FAM117A: variants seen among roughly 807,000 people sequenced by gnomAD.
FAM117A encodes family with sequence similarity 117 member A.
In FAM117A, 21 loss-of-function variants were observed where a neutral mutation model predicts 44.1. The ratio of observed to expected loss-of-function variants is 0.48; its 90% CI spans 0.34 to 0.69. The LOEUF is 0.69. FAM117A is among the 30% of genes least tolerant of loss of function. The pLI is 0.01. For synonymous variants in FAM117A, 220 were observed against 238.3 expected (o/e 0.92, Z 0.71); for missense variants, 498 against 589.9 (o/e 0.84, Z 1.61).
Position 49,720,393 on chromosome 17 carries a change from C to A in FAM117A, c.506G>T (p.Arg169Leu). Residue 169 changes from arginine to leucine, a missense_variant, in exon 4 of 8, where the codon CGC becomes CTC. Physicochemically the swap from Arg to Leu is moderately radical, Grantham distance 102. Transcript: ENST00000240364. Reference sequence around the variant, plus strand: ...ACCTCGCTCCTTCTCTTTCCCACTGCGGCTCAGCTTCGTCCTCTGCAGTTG... The same window carrying A: ...ACCTCGCTCCTTCTCTTTCCCACTGAGGCTCAGCTTCGTCCTCTGCAGTTG... ...KQQLQRTKLS[R>L]SGKEKERGSP... The A allele has an allele frequency of 3.1e-6, 5 of 1,613,814 alleles. No individual in the cohort carries two copies. Among genetic ancestry groups the A allele is most frequent in the Non-Finnish European group, 4.2e-6 (5 of 1,180,022 alleles).
intron 1 of FAM117A, among the ~76,000 whole-genome samples, chr17:49,771,176 C>A (rs766313899): frequency 6.6e-6 from 1 of 152,070 alleles, no homozygotes; most frequent in Non-Finnish European, 1.5e-5. Flanking sequence ...CACTGCACTC[C>A]GGCCCAGGCA....
intron 2 of FAM117A, among the ~76,000 whole-genome samples, chr17:49,725,267 G>A (rs2073554592): frequency 6.6e-6 from 1 of 152,310 alleles, no homozygotes; most frequent in South Asian, 2.1e-4. Flanking sequence ...TCTCCTCCTT[G>A]CAGATGGGCT....
intron 4 of FAM117A, chr17:49,720,125 T>C (rs898823222): frequency 2.8e-5 from 19 of 673,446 alleles, no homozygotes; most frequent in Non-Finnish European, 3.7e-5. Flanking sequence ...TATATGGGGA[T>C]GGGGGTAGAA....
intron 3 of FAM117A, among the ~76,000 whole-genome samples, chr17:49,721,627 C>T (rs1400474214): frequency 1.3e-5 from 2 of 152,144 alleles, no homozygotes; most frequent in Non-Finnish European, 2.9e-5. Flanking sequence ...TCGAGTTGAC[C>T]CTCTCAGAAG....
At chr17:49,788,276 T>C (rs1161747444) in intron 1 of FAM117A, among the ~76,000 whole-genome samples, 2 of 152,186 alleles carry the variant, frequency 1.3e-5, no homozygotes, top group Non-Finnish European at 2.9e-5. Context: ...TCCGCAACTT[T>C]GAGTTTATAT....
Position 49,726,911 on chromosome 17 carries a change from C to T in FAM117A, c.367-4317G>A, listed in dbSNP as rs571055129. ...AGGAGGACCACTTGCGCCCAGAGTT[C>T]GAGGCTGCAGTGAGTCATGATAATA... is the stretch of plus-strand genomic sequence containing the variant. On this transcript the variant is annotated intron_variant, in intron 2 of 7. Coordinates refer to ENST00000240364, the MANE Select transcript of FAM117A (RefSeq NM_030802.4). 2.1e-4 allele frequency among the ~76,000 whole-genome samples: 32 copies of T among 151,504 alleles called. No homozygotes were observed. The South Asian group carries it at 3.1e-3, about 15-fold the overall frequency.
intron 3 of FAM117A, 91 bp downstream of exon 3, chr17:49,722,408 G>GT: frequency 1.9e-6 from 2 of 1,041,298 alleles, no homozygotes; most frequent in Non-Finnish European, 2.9e-6. Context: ...GGTGAGCAGT[G>GT]TGACGCCACC....
At chr17:49,782,427 T>G (rs1439246144) in intron 1 of FAM117A, among the ~76,000 whole-genome samples, 1 of 146,678 alleles carries the variant, frequency 6.8e-6, no homozygotes, top group Non-Finnish European at 1.5e-5. Flanking sequence ...TGGTGGCTTA[T>G]GCCTGTAATC....
At chr17:49,769,944 C>T (rs1280610954) in intron 1 of FAM117A, among the ~76,000 whole-genome samples, 1 of 151,928 alleles carries the variant, frequency 6.6e-6, no homozygotes, top group Admixed American at 6.6e-5. Context: ...TTCTGGATCC[C>T]GTTCAGTGCT....
chr17:49,748,243 T>C (rs938148979), intron 1 of FAM117A, among the ~76,000 whole-genome samples: 1 of 152,186 alleles, frequency 6.6e-6, no homozygotes, highest in African/African-American at 2.4e-5. Context: ...CAGGGAAACA[T>C]TGGTACATTA....
intron 1 of FAM117A, among the ~76,000 whole-genome samples, chr17:49,782,598 G>A (rs2073792970): frequency 6.7e-6 from 1 of 149,658 alleles, no homozygotes; most frequent in African/African-American, 2.5e-5. Flanking sequence ...GCTGAGGCAG[G>A]AGAATCGCTT....
chr17:49,771,486 T>TA (rs5820778), intron 1 of FAM117A, among the ~76,000 whole-genome samples: 1 of 149,614 alleles, frequency 6.7e-6, no homozygotes, highest in Non-Finnish European at 1.5e-5. Flanking sequence ...TATTTCTCAT[T>TA]AAAAAAAAAA....
intron 1 of FAM117A, among the ~76,000 whole-genome samples, chr17:49,736,941 T>C (rs1263183634): frequency 6.6e-6 from 1 of 152,208 alleles, no homozygotes; most frequent in Non-Finnish European, 1.5e-5. Context: ...TCCCCCACAA[T>C]GTCTAAAGCA....
intron 1 of FAM117A, among the ~76,000 whole-genome samples, chr17:49,782,400 A>AAAG (rs2073792298): frequency 6.7e-6 from 1 of 149,534 alleles, no homozygotes; most frequent in African/African-American, 2.5e-5. Context: ...AAAAAAAAAA[A>AAAG]AGCTTTGTGC....
chr17:49,745,028 A>G (rs1259137643), intron 1 of FAM117A, among the ~76,000 whole-genome samples: 1 of 151,192 alleles, frequency 6.6e-6, no homozygotes, highest in South Asian at 2.1e-4. Flanking sequence ...AAAAAAAAAA[A>G]AAAAACACAC....
intron 1 of FAM117A, among the ~76,000 whole-genome samples, chr17:49,756,092 G>A (rs954728609): frequency 3.3e-5 from 5 of 152,054 alleles, no homozygotes; most frequent in South Asian, 2.1e-4. Context: ...TAGACAAGGC[G>A]AAACAATGTC....
chr17:49,773,894 C>T (rs1277070675), intron 1 of FAM117A, among the ~76,000 whole-genome samples: 1 of 152,136 alleles, frequency 6.6e-6, no homozygotes, highest in East Asian at 1.9e-4. Flanking sequence ...GCTGGGATTA[C>T]AGGCATGCGC....
At chr17:49,715,676 C>A (rs561305873) in intron 7 of FAM117A, among the ~76,000 whole-genome samples, 56 of 152,172 alleles carry the variant, frequency 3.7e-4, no homozygotes, top group Non-Finnish European at 6.5e-4. Flanking sequence ...ACTGCAGCCA[C>A]AGGGTGAAGA....
At chr17:49,762,443 A>T (rs1408402580) in intron 1 of FAM117A, among the ~76,000 whole-genome samples, 1 of 152,192 alleles carries the variant, frequency 6.6e-6, no homozygotes, top group East Asian at 1.9e-4. Context: ...TTGCTACCAG[A>T]TTTGACCAAG....
Sources: allele counts gnomAD v4.1 joint callset (sites outside exome capture counted in the v4.1 genomes callset), GRCh38; gene constraint gnomAD v4.1.1; transcripts MANE v1.5; gene names NCBI Gene and HGNC (gene_info 2026-07-23, HGNC 2026-07-21).